PPAT: variants seen among roughly 807,000 people sequenced by gnomAD.
The protein encoded by PPAT is amidophosphoribosyltransferase.
In PPAT, 20 loss-of-function variants were observed where a neutral mutation model predicts 60.2. The observed-to-expected ratio is 0.33, with a 90% CI of 0.23 to 0.48. The LOEUF is 0.48. Among genes scored for constraint, PPAT ranks in the 20% least tolerant of loss-of-function variants. The pLI is 0.99. For synonymous variants in PPAT, 194 were observed against 215.1 expected (o/e 0.90, Z 0.86); for missense variants, 349 against 629.6 (o/e 0.55, Z 4.77).
At chr4:56,432,646 G>C in intron 1 of PPAT, among the ~76,000 whole-genome samples, 1 of 151,568 alleles carries the variant, frequency 6.6e-6, no homozygotes, top group East Asian at 1.9e-4. Context: ...TTAGCCGGGC[G>C]TGGTGGGGGG....
chr4:56,421,043 C>T (rs1201837388), intron 1 of PPAT: 1 of 152,180 alleles, frequency 6.6e-6, no homozygotes, highest in African/African-American at 2.4e-5. Context: ...GTGGGCGAGC[C>T]AAGCTTCATC....
At chr4:56,432,963 T>A (rs1452918184) in intron 1 of PPAT, among the ~76,000 whole-genome samples, 1 of 132,682 alleles carries the variant, frequency 7.5e-6, no homozygotes. Context: ...CAGAGTACGA[T>A]ATATATATAC....
At position 56,415,050 on chromosome 4, in the gene PPAT, T is replaced by C. The variant is rs1312107098; in HGVS notation, c.129-7334A>G. ...TTAACATAGAAACCCTAATAGAGTT[T>C]TTAAGATGATAAAGAGCATATCTTT... On this transcript the variant is annotated intron_variant, in intron 1 of 10. Transcript: ENST00000264220. Among the ~76,000 whole-genome samples the C allele has an allele frequency of 4.6e-5, 7 of 152,232 alleles. 1 individual carries two copies. Among genetic ancestry groups the C allele is most frequent in the Admixed American group, 4.6e-4 (7 of 15,284 alleles).
intron 6 of PPAT, among the ~76,000 whole-genome samples, 161 bp downstream of exon 6, chr4:56,401,948 G>C (rs1303503193): frequency 6.6e-6 from 1 of 152,120 alleles, no homozygotes; most frequent in Non-Finnish European, 1.5e-5. Context: ...TAAACTCAGT[G>C]CAACTGCTGA....
At chr4:56,434,041 C>T (rs1459116505) in intron 1 of PPAT, among the ~76,000 whole-genome samples, 1 of 152,146 alleles carries the variant, frequency 6.6e-6, no homozygotes, top group Non-Finnish European at 1.5e-5. Flanking sequence ...ACCACATAAT[C>T]AAGAGTTTAC....
chr4:56,399,020 GTTC>G (rs964247408), intron 9 of PPAT, among the ~76,000 whole-genome samples, 156 bp downstream of exon 9: 5 of 152,070 alleles, frequency 3.3e-5, no homozygotes, highest in African/African-American at 1.2e-4. Context: ...GCTGTGACAT[GTTC>G]TTCAAGTTGC....
At chr4:56,402,911 A>G in intron 5 of PPAT, 129 bp downstream of exon 5, 1 of 671,436 alleles carries the variant, frequency 1.5e-6, no homozygotes. Flanking sequence ...GAATACATTT[A>G]TTTTTATTTT....
intron 3 of PPAT, 43 bp downstream of exon 3, chr4:56,406,452 A>G (rs1329370525): frequency 1.2e-5 from 18 of 1,559,538 alleles, no homozygotes; most frequent in Non-Finnish European, 1.6e-5. Flanking sequence ...AACCCATCCT[A>G]ATCATTTAAA....
chr4:56,404,936 G>C (rs1288955412), intron 3 of PPAT, among the ~76,000 whole-genome samples: 1 of 152,014 alleles, frequency 6.6e-6, no homozygotes, highest in Non-Finnish European at 1.5e-5. Flanking sequence ...TATAGGATGG[G>C]GTGTGCATGT....
intron 1 of PPAT, among the ~76,000 whole-genome samples, chr4:56,426,058 T>C (rs754957956): frequency 6.6e-6 from 1 of 152,176 alleles, no homozygotes; most frequent in South Asian, 2.1e-4. Context: ...TCCACAGTTA[T>C]ACAATAATCA....
intron 1 of PPAT, among the ~76,000 whole-genome samples, chr4:56,427,050 C>A (rs935386770): frequency 2.0e-5 from 3 of 152,330 alleles, no homozygotes; most frequent in African/African-American, 7.2e-5. Flanking sequence ...TAGGGCTCCT[C>A]CATGTTGTAG....
At chr4:56,409,454 T>C (rs1360888028) in intron 1 of PPAT, among the ~76,000 whole-genome samples, 2 of 142,984 alleles carry the variant, frequency 1.4e-5, no homozygotes, top group Non-Finnish European at 3.2e-5. Flanking sequence ...AATAGCACTT[T>C]TGCTATTAGA....
intron 1 of PPAT, among the ~76,000 whole-genome samples, chr4:56,408,612 G>A (rs868412835): frequency 6.6e-6 from 1 of 151,374 alleles, no homozygotes; most frequent in African/African-American, 2.4e-5. Context: ...AAATGAGCCG[G>A]GCGTGGTGGC....
In PPAT at chr4:56,399,330, A is replaced by T. The variant is rs1716057168; in HGVS notation, c.1085T>A (p.Met362Lys). ...TGCAACACCAAGTTGTCTTAACCTCATGTTTGGCTGAATGAAGGTTCTCCC... is the reference window on the plus strand; with the variant it reads ...TGCAACACCAAGTTGTCTTAACCTCTTGTTTGGCTGAATGAAGGTTCTCCC... ...YVGRTFIQPN[M>K]RLRQLGVAKK... The change falls in exon 9 of 11, where the codon ATG (methionine) becomes AAG (lysine). Residue 362 changes from methionine to lysine, a missense_variant. Physicochemically the swap from Met to Lys is moderately conservative, Grantham distance 95. Coordinates refer to ENST00000264220, the MANE Select transcript of PPAT (RefSeq NM_002703.5). 1 of 1,614,018 alleles carries T rather than the reference A, an allele frequency of 6.2e-7. No individual in the cohort carries two copies. The highest frequency in any genetic ancestry group is 1.1e-5 in the South Asian group (1 of 91,076).
chr4:56,433,577 T>C (rs780040719), intron 1 of PPAT, among the ~76,000 whole-genome samples: 8 of 152,024 alleles, frequency 5.3e-5, no homozygotes, highest in Non-Finnish European at 8.8e-5. Context: ...TTGAATAACT[T>C]TGGCAAAAAA....
In PPAT at chr4:56,400,740, C is replaced by T. The variant is rs764152607; in HGVS notation, c.1014+44G>A. The T allele has an allele frequency of 2.6e-5, 41 of 1,551,324 alleles. No individual in the cohort carries two copies. The South Asian group carries it at 4.6e-4, about 17-fold the overall frequency. ...TTATAGGCAAGGGTTTCTTATTCCA[C>T]AGCTGGGAGAGCAATTCACTGCATG... On this transcript the variant is annotated intron_variant, in intron 8 of 10. Transcript: ENST00000264220.
intron 1 of PPAT, among the ~76,000 whole-genome samples, chr4:56,432,525 CAA>C (rs34998854): frequency 5.7e-4 from 43 of 75,312 alleles, no homozygotes; most frequent in Non-Finnish European, 6.3e-4. Context: ...GACCCTGTCT[CAA>C]AAAAAAAAAA....
At chr4:56,399,771 AG>A (rs1716068634) in intron 8 of PPAT, 1 of 164,430 alleles carries the variant, frequency 6.1e-6, no homozygotes, top group African/African-American at 2.4e-5. Flanking sequence ...GATACTTTTT[AG>A]GGATAGGAAG....
intron 1 of PPAT, chr4:56,410,595 G>C (rs1049247420): frequency 1.0e-6 from 1 of 986,048 alleles, no homozygotes. Flanking sequence ...AAAAATATAC[G>C]AAAACAACTT....
Sources: allele counts gnomAD v4.1 joint callset (sites outside exome capture counted in the v4.1 genomes callset), GRCh38; gene constraint gnomAD v4.1.1; transcripts MANE v1.5; gene names NCBI Gene and HGNC (gene_info 2026-07-23, HGNC 2026-07-21).